The following RIPOR2 variants were observed in gnomAD, a reference collection of about 807,000 sequenced individuals.
RIPOR2 encodes the protein rho family-interacting cell polarization regulator 2.
In RIPOR2, 39 loss-of-function variants were observed where a neutral mutation model predicts 114.5. The observed-to-expected ratio is 0.34, with a 90% CI of 0.26 to 0.44. The LOEUF is 0.44. RIPOR2 is among the 20% of genes least tolerant of loss of function. The probability of loss-of-function intolerance (pLI) is 1.00; values close to 1 mark genes in which losing one functional copy is unlikely to be tolerated. For synonymous variants in RIPOR2, 445 were observed against 484.4 expected (o/e 0.92, Z 1.07); for missense variants, 1,007 against 1,255.1 (o/e 0.80, Z 2.99).
At chr6:24,926,009 T>C (rs559223600) in intron 1 of RIPOR2, among the ~76,000 whole-genome samples, 66 of 151,976 alleles carry the variant, frequency 4.3e-4, no homozygotes, top group African/African-American at 1.5e-3. Context: ...GAAAATATTT[T>C]TAAAACAATG....
chr6:24,872,404 G>T (rs34134038), intron 4 of RIPOR2, among the ~76,000 whole-genome samples: 18,224 of 152,074 alleles, frequency 0.12, 1,204 homozygotes, highest in South Asian at 0.16. Flanking sequence ...ACACAGACGG[G>T]GGGTGGGTCT....
chr6:24,976,670 G>A (rs1774064973), intron 1 of RIPOR2: 2 of 1,608,120 alleles, frequency 1.2e-6, no homozygotes, highest in African/African-American at 1.3e-5. Flanking sequence ...GGGTTTATGT[G>A]TCAGGGTGGT....
intron 12 of RIPOR2, 113 bp downstream of exon 12, chr6:24,847,912 C>A: frequency 7.1e-7 from 1 of 1,403,524 alleles, no homozygotes; most frequent in East Asian, 2.4e-5. Flanking sequence ...GGAGGCTCAC[C>A]ACCTCTGATA....
chr6:25,036,311 C>T (rs145658158), intron 1 of RIPOR2, among the ~76,000 whole-genome samples: 3 of 152,206 alleles, frequency 2.0e-5, no homozygotes, highest in Non-Finnish European at 4.4e-5. Context: ...TTCCATTCCT[C>T]TGATTGGAGT....
At chr6:24,828,398 C>A (rs1581508077) in intron 17 of RIPOR2, 103 bp from the exon 18 acceptor site, 2 of 1,106,974 alleles carry the variant, frequency 1.8e-6, no homozygotes, top group Non-Finnish European at 2.4e-6. Context: ...GAGACAGGGT[C>A]TCACTTTGTT....
At chr6:24,910,956 A>AG in intron 1 of RIPOR2, 1 of 985,338 alleles carries the variant, frequency 1.0e-6, no homozygotes, top group South Asian at 4.7e-5. Flanking sequence ...ACTTGGGTGA[A>AG]GGGGACCCCG....
intron 17 of RIPOR2, 47 bp from the exon 18 acceptor site, chr6:24,828,342 TC>T: frequency 1.7e-6 from 1 of 576,284 alleles, no homozygotes; most frequent in Non-Finnish European, 2.6e-6. Flanking sequence ...AGATGACCAT[TC>T]ATTCATTCAT....
At chr6:24,907,259 A>G (rs943358164) in intron 1 of RIPOR2, among the ~76,000 whole-genome samples, 3 of 152,186 alleles carry the variant, frequency 2.0e-5, no homozygotes, top group African/African-American at 7.2e-5. Context: ...CTAATTTCCT[A>G]TTTAATTAAT....
In RIPOR2 at chr6:24,869,086, TCA is replaced by T; in HGVS notation, c.501+6_501+7del. The T allele has an allele frequency of 6.5e-7, 1 of 1,530,532 alleles. No homozygotes were observed. The highest frequency in any genetic ancestry group is 1.7e-4 in the Middle Eastern group (1 of 5,914). The allele number at this position is 1,530,532 out of a possible 1,614,324, so 94.8% of individuals were successfully genotyped here. Reference sequence around the variant, plus strand: ...AAAACAGGCAATGAGAACAGGAATTTCAGTTACCTTACTTATATGAAACTCCA... The same window carrying T: ...AAAACAGGCAATGAGAACAGGAATTTGTTACCTTACTTATATGAAACTCCA... On this transcript the variant is annotated splice_donor_region_variant and intron_variant, in intron 6 of 21. Transcript: ENST00000643898.
intron 19 of RIPOR2, among the ~76,000 whole-genome samples, chr6:24,822,500 G>A (rs944789773): frequency 1.3e-5 from 2 of 151,858 alleles, no homozygotes; most frequent in African/African-American, 4.8e-5. Context: ...CTCACTTTAC[G>A]TATTTATTTA....
chr6:24,900,067 C>T (rs532294387), intron 1 of RIPOR2, among the ~76,000 whole-genome samples: 2 of 152,196 alleles, frequency 1.3e-5, no homozygotes, highest in Non-Finnish European at 2.9e-5. Flanking sequence ...CCTCAGCCTA[C>T]GTGGACAGTC....
chr6:25,022,531 C>CTTTTTTTTTTTTTTTT lies in RIPOR2; in HGVS notation c.76+19319_76+19320insAAAAAAAAAAAAAAAA, dbSNP rs1561848668. Among the ~76,000 whole-genome samples, 110 of 64,504 alleles carry CTTTTTTTTTTTTTTTT rather than the reference C, an allele frequency of 1.7e-3. 13 individuals are homozygous for CTTTTTTTTTTTTTTTT. The highest frequency in any genetic ancestry group is 3.4e-3 in the Non-Finnish European group (98 of 29,006). The allele number at this position is 64,504 out of a possible 152,430, so 42.3% of individuals were successfully genotyped here. A position where few individuals can be genotyped will look rare whatever the true frequency, so the allele number is the denominator to read the frequency against. On this transcript the variant is annotated intron_variant, in intron 1 of 13. Coordinates refer to the RIPOR2 transcript ENST00000510784. ...CACATATAACTAATGTGGTACCTTC[C>CTTTTTTTTTTTTTTTT]ATTTTTTTTTTTTTTTTTTTTTTTT...
intron 1 of RIPOR2, chr6:25,023,805 C>A: frequency 1.3e-6 from 1 of 765,338 alleles, no homozygotes; most frequent in Non-Finnish European, 2.4e-6. Flanking sequence ...ACGGGGACCC[C>A]TTTTTTAACT....
chr6:24,967,242 C>T (rs1412748237), intron 1 of RIPOR2, among the ~76,000 whole-genome samples: 4 of 152,128 alleles, frequency 2.6e-5, no homozygotes, highest in African/African-American at 9.7e-5. Context: ...ATCATGTGAG[C>T]TCATTTTCAC....
intron 1 of RIPOR2, chr6:24,932,008 C>T (rs1166850526): frequency 6.5e-6 from 1 of 152,924 alleles, no homozygotes; most frequent in African/African-American, 2.4e-5. Context: ...CAATTGTCAT[C>T]ATCATTGTCA....
intron 1 of RIPOR2, among the ~76,000 whole-genome samples, chr6:24,979,542 A>G (rs1212406765): frequency 6.6e-6 from 1 of 152,210 alleles, no homozygotes; most frequent in Non-Finnish European, 1.5e-5. Context: ...GTGTTAAAAA[A>G]GACTTTTGCA....
rs1429286279 is a variant in RIPOR2 at position 24,853,978 on chromosome 6, AG to A, written c.716-1361del. ...TAAAAAGAAAAAAAAAAATTAGCCAAGTGTGGTGGTGCATGCCTGTAGTCCC... is the reference window on the plus strand; with the variant it reads ...TAAAAAGAAAAAAAAAAATTAGCCAATGTGGTGGTGCATGCCTGTAGTCCC... On this transcript the variant is annotated intron_variant, in intron 8 of 21. Transcript: ENST00000643898. Among the ~76,000 whole-genome samples, 9 of 152,028 alleles carry A rather than the reference AG, an allele frequency of 5.9e-5. No homozygotes were observed. In the East Asian group the frequency reaches 1.7e-3, roughly 29 times the overall value.
intron 1 of RIPOR2, among the ~76,000 whole-genome samples, chr6:24,959,579 C>T (rs1773209718): frequency 6.6e-6 from 1 of 152,200 alleles, no homozygotes; most frequent in Non-Finnish European, 1.5e-5. Flanking sequence ...GGGACTCTCT[C>T]TCTCCTTGAT....
intron 1 of RIPOR2, among the ~76,000 whole-genome samples, chr6:24,943,699 T>C (rs1239046550): frequency 1.3e-5 from 2 of 152,102 alleles, no homozygotes; most frequent in African/African-American, 4.8e-5. Context: ...CTTATCTCTG[T>C]GGTAGCCTTG....
Sources: allele counts gnomAD v4.1 joint callset (sites outside exome capture counted in the v4.1 genomes callset), GRCh38; gene constraint gnomAD v4.1.1; transcripts MANE v1.5; gene names NCBI Gene and HGNC (gene_info 2026-07-23, HGNC 2026-07-21).